PDE10A: variants seen among roughly 807,000 people sequenced by gnomAD.
PDE10A encodes the protein cAMP and cAMP-inhibited cGMP 3',5'-cyclic phosphodiesterase 10A.
Under a neutral mutation model 97.7 loss-of-function variants are expected in PDE10A, and 39 were observed. The observed-to-expected ratio is 0.40, with a 90% CI of 0.31 to 0.52. The LOEUF is 0.52. PDE10A is among the 20% of genes least tolerant of loss of function. The pLI, the probability that PDE10A is intolerant of heterozygous loss-of-function variation, is 0.56. For synonymous variants in PDE10A, 371 were observed against 376.8 expected, an observed-to-expected ratio of 0.98 and a Z score of 0.18; for missense variants, 731 against 1,047.8, an observed-to-expected ratio of 0.70 and a Z score of 4.17.
At chr6:165,904,218 C>T (rs1341405972) in intron 1 of PDE10A, among the ~76,000 whole-genome samples, 1 of 152,084 alleles carries the variant, frequency 6.6e-6, no homozygotes, top group Non-Finnish European at 1.5e-5. Flanking sequence ...AAGACAAAGT[C>T]TTTGAGAAGA....
intron 1 of PDE10A, among the ~76,000 whole-genome samples, chr6:165,545,469 G>A (rs140509349): frequency 6.4e-4 from 97 of 152,112 alleles, no homozygotes; most frequent in African/African-American, 2.2e-3. Flanking sequence ...ATTCCGACTT[G>A]TCATCTCATT....
intron 1 of PDE10A, among the ~76,000 whole-genome samples, chr6:165,744,275 T>C (rs1364168630): frequency 6.6e-6 from 1 of 152,184 alleles, no homozygotes; most frequent in African/African-American, 2.4e-5. Flanking sequence ...AAAACTTGCA[T>C]TTTCAACTCT....
chr6:165,849,693 C>CG (rs1309598030), intron 1 of PDE10A, among the ~76,000 whole-genome samples: 1 of 152,168 alleles, frequency 6.6e-6, no homozygotes, highest in East Asian at 1.9e-4. Flanking sequence ...CTGTGAGAGC[C>CG]GGGGGCCCAG....
chr6:165,881,127 T>C (rs872142), intron 1 of PDE10A, among the ~76,000 whole-genome samples: 117,012 of 152,108 alleles, frequency 0.77, 45,241 homozygotes, highest in East Asian at 0.96. Context: ...TGTAAGAAGT[T>C]GAAATGGCTT....
chr6:165,369,309 A>G (rs9459387), intron 18 of PDE10A, among the ~76,000 whole-genome samples: 70,107 of 150,518 alleles, frequency 0.47, 17,262 homozygotes, highest in African/African-American at 0.63. Flanking sequence ...CAAACCAAAG[A>G]CAAAGAAGCT....
Position 165,967,366 on chromosome 6 carries a change from G to A in PDE10A, c.-615+20163C>T, listed in dbSNP as rs1432632103. On this transcript the variant is annotated intron_variant, in intron 1 of 19. Coordinates refer to the PDE10A transcript ENST00000366882. ...ACAAACATTAGCCGGCTGTGGTGGT[G>A]CATGCCTGTAATCCCAGCTCCTTGG... Among the ~76,000 whole-genome samples, 3 of 152,162 alleles carry A rather than the reference G, an allele frequency of 2.0e-5. No homozygotes were observed. The East Asian group carries it at 5.8e-4, about 29-fold the overall frequency.
At chr6:165,549,033 G>T (rs982686332) in intron 1 of PDE10A, among the ~76,000 whole-genome samples, 1 of 152,158 alleles carries the variant, frequency 6.6e-6, no homozygotes, top group African/African-American at 2.4e-5. Context: ...GCCTCTTCAA[G>T]CAGGTTCAGT....
intron 1 of PDE10A, chr6:165,939,701 T>C (rs977375497): frequency 6.6e-6 from 1 of 152,204 alleles, no homozygotes; most frequent in African/African-American, 2.4e-5. Context: ...TCCATTGTCC[T>C]CAGAAAACCC....
At position 165,339,268 on chromosome 6, in the gene PDE10A, T is replaced by G. The variant is rs188653988; in HGVS notation, c.2976+10A>C. Reference sequence around the variant, plus strand: ...CTTTAGCAATTACAATTTACTTTAATAATTCATACCTGGCCTTGGGGGACT... The same window carrying G: ...CTTTAGCAATTACAATTTACTTTAAGAATTCATACCTGGCCTTGGGGGACT... On this transcript the variant is annotated intron_variant, in intron 20 of 21. Transcript: ENST00000539869. 1.3e-6 allele frequency: 2 copies of G among 1,520,118 alleles called. No individual in the cohort carries two copies. Among genetic ancestry groups the G allele is most frequent in the Admixed American group, 3.3e-5 (2 of 59,922 alleles). The allele number at this position is 1,520,118 out of a possible 1,614,324, so 94.2% of individuals were successfully genotyped here.
At chr6:165,495,956 T>C (rs967844524) in intron 2 of PDE10A, among the ~76,000 whole-genome samples, 7 of 151,886 alleles carry the variant, frequency 4.6e-5, no homozygotes, top group Non-Finnish European at 2.9e-5. Flanking sequence ...AACTATATCA[T>C]ACAGCGAGTT....
At chr6:165,362,430 A>G (rs779506696) in intron 18 of PDE10A, among the ~76,000 whole-genome samples, 2 of 152,214 alleles carry the variant, frequency 1.3e-5, no homozygotes, top group Non-Finnish European at 2.9e-5. Flanking sequence ...TACCATGAAC[A>G]ACTGTATGCC....
At chr6:165,714,661 G>A (rs1791982455) in intron 1 of PDE10A, among the ~76,000 whole-genome samples, 1 of 152,212 alleles carries the variant, frequency 6.6e-6, no homozygotes, top group African/African-American at 2.4e-5. Flanking sequence ...GTGCCAAGGA[G>A]TGAGTTTCAG....
chr6:165,634,446 C>CA (rs1197052426), intron 1 of PDE10A, among the ~76,000 whole-genome samples: 2 of 152,128 alleles, frequency 1.3e-5, no homozygotes, highest in Non-Finnish European at 2.9e-5. Flanking sequence ...GTAACACACT[C>CA]AGGATTGTAT....
chr6:165,839,845 T>G (rs1337988951), intron 1 of PDE10A, among the ~76,000 whole-genome samples: 22 of 80,148 alleles, frequency 2.7e-4, no homozygotes, highest in African/African-American at 6.0e-4. Context: ...TCCATTCTTA[T>G]CATCTCCATC....
rs557524121 is a variant in PDE10A at position 165,779,841 on chromosome 6, C to G, written c.-615+207688G>C. ...CACGTGGCCATGGCAGCTGCTTCTC[C>G]TCTTCCTCCTCCTCAGGTTTGCCAG... On this transcript the variant is annotated intron_variant, in intron 1 of 19. Coordinates refer to the PDE10A transcript ENST00000366882. 7.2e-5 allele frequency among the ~76,000 whole-genome samples: 11 copies of G among 152,286 alleles called. No individual in the cohort carries two copies. The South Asian group carries it at 2.1e-3, about 29-fold the overall frequency.
intron 1 of PDE10A, among the ~76,000 whole-genome samples, chr6:165,862,123 G>A (rs1780922153): frequency 6.6e-6 from 1 of 152,130 alleles, no homozygotes; most frequent in Non-Finnish European, 1.5e-5. Context: ...AGAAATTTGT[G>A]ATTGATAAAG....
intron 10 of PDE10A, among the ~76,000 whole-genome samples, 167 bp downstream of exon 10, chr6:165,428,488 TCCC>T (rs1176996509): frequency 1.3e-5 from 2 of 152,044 alleles, no homozygotes; most frequent in Non-Finnish European, 2.9e-5. Context: ...TCAAACTTAC[TCCC>T]CCAAAATTAA....
At chr6:165,735,001 G>A (rs531326387) in intron 1 of PDE10A, among the ~76,000 whole-genome samples, 1 of 145,780 alleles carries the variant, frequency 6.9e-6, no homozygotes, top group South Asian at 2.1e-4. Flanking sequence ...TAGTAGGTAG[G>A]TAGGTAGGTA....
At chr6:165,846,774 T>C (rs1780430535) in intron 1 of PDE10A, among the ~76,000 whole-genome samples, 1 of 152,184 alleles carries the variant, frequency 6.6e-6, no homozygotes. Flanking sequence ...GCAAGCCCTG[T>C]GGGAGTGAAG....
Sources: allele counts gnomAD v4.1 joint callset (sites outside exome capture counted in the v4.1 genomes callset), GRCh38; gene constraint gnomAD v4.1.1; transcripts MANE v1.5; gene names NCBI Gene and HGNC (gene_info 2026-07-23, HGNC 2026-07-21).